GRIA4: variants seen among roughly 807,000 people sequenced by gnomAD.
The protein encoded by GRIA4 is glutamate ionotropic receptor AMPA type subunit 4.
In GRIA4, 34 loss-of-function variants were observed where a neutral mutation model predicts 104.0. That is an observed-to-expected ratio of 0.33 (90% confidence interval 0.25 to 0.44). GRIA4 has a LOEUF of 0.44. Among genes scored for constraint, GRIA4 ranks in the 20% least tolerant of loss-of-function variants. The pLI is 1.00. For missense variants in GRIA4, 750 were observed against 1,096.5 expected (o/e 0.68, Z 4.46); for synonymous variants, 386 against 381.9 (o/e 1.01, Z -0.13).
At chr11:105,847,499 A>G (rs1944643194) in intron 4 of GRIA4, among the ~76,000 whole-genome samples, 2 of 152,216 alleles carry the variant, frequency 1.3e-5, no homozygotes, top group Non-Finnish European at 2.9e-5. Flanking sequence ...CATTTGATAC[A>G]AAGATAGCAG....
At chr11:105,800,333 T>C (rs1054290070) in intron 4 of GRIA4, among the ~76,000 whole-genome samples, 2 of 152,126 alleles carry the variant, frequency 1.3e-5, no homozygotes, top group Middle Eastern at 3.4e-3. Context: ...GAGACTACCA[T>C]TTACTAACTA....
At chr11:105,928,347 A>T (rs1223553527) in intron 13 of GRIA4, among the ~76,000 whole-genome samples, 1 of 152,046 alleles carries the variant, frequency 6.6e-6, no homozygotes, top group East Asian at 1.9e-4. Context: ...AACACTTAAT[A>T]GATTTTCTTA....
intron 4 of GRIA4, among the ~76,000 whole-genome samples, chr11:105,841,780 T>C (rs560894698): frequency 6.6e-6 from 1 of 152,142 alleles, no homozygotes; most frequent in East Asian, 1.9e-4. Context: ...CACTGAGATC[T>C]CACTCCAGTT....
intron 3 of GRIA4, among the ~76,000 whole-genome samples, chr11:105,671,275 A>G (rs1402441418): frequency 2.0e-5 from 3 of 152,254 alleles, no homozygotes; most frequent in Admixed American, 6.5e-5. Flanking sequence ...AAATAGATGA[A>G]GAAATAGCTT....
intron 3 of GRIA4, among the ~76,000 whole-genome samples, chr11:105,620,004 T>C (rs1055317492): frequency 6.6e-6 from 1 of 151,926 alleles, no homozygotes; most frequent in Admixed American, 6.6e-5. Context: ...ATTGTCATCC[T>C]ATAATTTTTA....
intron 4 of GRIA4, among the ~76,000 whole-genome samples, chr11:105,783,051 T>C (rs902063270): frequency 1.3e-5 from 2 of 152,198 alleles, no homozygotes; most frequent in Non-Finnish European, 2.9e-5. Flanking sequence ...TATGCCCCCT[T>C]TACTCTAAGA....
intron 4 of GRIA4, among the ~76,000 whole-genome samples, chr11:105,849,283 G>A (rs1279928912): frequency 6.6e-6 from 1 of 152,134 alleles, no homozygotes; most frequent in Non-Finnish European, 1.5e-5. Flanking sequence ...TCAACTGGAA[G>A]CCAAAGCACA....
intron 3 of GRIA4, among the ~76,000 whole-genome samples, chr11:105,679,352 C>G (rs906859002): frequency 1.3e-5 from 2 of 152,134 alleles, no homozygotes; most frequent in Non-Finnish European, 2.9e-5. Context: ...GACCAAATAT[C>G]TGGGCATCTT....
At chr11:105,640,780 C>T (rs1391521229) in intron 3 of GRIA4, among the ~76,000 whole-genome samples, 1 of 151,960 alleles carries the variant, frequency 6.6e-6, no homozygotes, top group African/African-American at 2.4e-5. Context: ...CTTTTCATCA[C>T]ATTGAATATT....
chr11:105,937,656 G>A (rs1948080412), intron 14 of GRIA4, among the ~76,000 whole-genome samples: 1 of 152,044 alleles, frequency 6.6e-6, no homozygotes, highest in Non-Finnish European at 1.5e-5. Context: ...AAAAACTCTA[G>A]TCACCTATAC....
At chr11:105,642,898 T>G (rs1209826398) in intron 3 of GRIA4, among the ~76,000 whole-genome samples, 1 of 152,138 alleles carries the variant, frequency 6.6e-6, no homozygotes, top group African/African-American at 2.4e-5. Context: ...TATAAAGGAA[T>G]GGTTTAATTG....
chr11:105,854,153 C>G (rs1057188098), intron 4 of GRIA4, among the ~76,000 whole-genome samples: 1 of 151,984 alleles, frequency 6.6e-6, no homozygotes, highest in African/African-American at 2.4e-5. Flanking sequence ...GGGAAAGAGA[C>G]AATAAACAAG....
At chr11:105,874,410 C>T (rs1391228154) in intron 5 of GRIA4, among the ~76,000 whole-genome samples, 4 of 151,970 alleles carry the variant, frequency 2.6e-5, no homozygotes, top group African/African-American at 7.2e-5. Flanking sequence ...CCTCTTTTTT[C>T]GGTTCCATAT....
chr11:105,709,666 C>T (rs1390819240), intron 3 of GRIA4, among the ~76,000 whole-genome samples: 3 of 152,136 alleles, frequency 2.0e-5, no homozygotes, highest in South Asian at 2.1e-4. Context: ...ATTTCTGCCA[C>T]ATGCAAAAAC....
At chr11:105,919,559 G>T (rs1947503086) in intron 11 of GRIA4, among the ~76,000 whole-genome samples, 1 of 152,066 alleles carries the variant, frequency 6.6e-6, no homozygotes, top group African/African-American at 2.4e-5. Context: ...AGCATGTTAT[G>T]CGCCTCCCTT....
chr11:105,940,846 T>G (rs1948165204), intron 14 of GRIA4, among the ~76,000 whole-genome samples: 1 of 152,146 alleles, frequency 6.6e-6, no homozygotes, highest in South Asian at 2.1e-4. Context: ...ATAAAATAGT[T>G]TGGTAGTCAT....
intron 4 of GRIA4, among the ~76,000 whole-genome samples, chr11:105,833,312 C>T (rs1367761665): frequency 2.6e-5 from 4 of 151,970 alleles, no homozygotes; most frequent in African/African-American, 4.8e-5. Flanking sequence ...CATACGTACA[C>T]ATGTATATAT....
intron 4 of GRIA4, among the ~76,000 whole-genome samples, chr11:105,818,647 A>T (rs564515903): frequency 6.6e-6 from 1 of 152,186 alleles, no homozygotes; most frequent in Non-Finnish European, 1.5e-5. Flanking sequence ...GAGCAATTAC[A>T]TGACAAATAC....
chr11:105,679,924 G>A (rs1952656650), intron 3 of GRIA4, among the ~76,000 whole-genome samples: 1 of 152,024 alleles, frequency 6.6e-6, no homozygotes, highest in South Asian at 2.1e-4. Flanking sequence ...TTATGTTGTA[G>A]TCTCCCCCTG....
Sources: gnomAD v4.1 joint callset for allele counts (sites outside exome capture counted in the v4.1 genomes callset) on GRCh38, gnomAD v4.1.1 for gene constraint, MANE v1.5 for transcripts, NCBI Gene and HGNC (gene_info 2026-07-23, HGNC 2026-07-21) for gene names.